PKD1: variants seen among roughly 807,000 people sequenced by gnomAD.
PKD1 encodes polycystin-1.
In PKD1, 81 loss-of-function variants were observed where a neutral mutation model predicts 361.7. The ratio of observed to expected loss-of-function variants is 0.22; its 90% CI spans 0.19 to 0.27. The LOEUF (loss-of-function observed/expected upper bound fraction) is 0.27. Among genes scored for constraint, PKD1 ranks in the 10% least tolerant of loss-of-function variants. PKD1 has a pLI of 1.00. For synonymous variants in PKD1, 3,615 were observed against 2,818.3 expected (o/e 1.28, Z -8.95); for missense variants, 6,399 against 6,118.3 (o/e 1.05, Z -1.53).
rs528805718 is a variant in PKD1, at chr16:2,104,752, G to A, written c.8017-110C>T. ...TCCCACCCCCAGCCCTGCAGCTGGA[G>A]AGCCCACTTGACTGGACCCCCACAG... On this transcript the variant is annotated intron_variant, in intron 21 of 45. Coordinates refer to ENST00000262304, the MANE Select transcript of PKD1 (RefSeq NM_001009944.3). 1,929 of 773,370 alleles carry A rather than the reference G, an allele frequency of 2.5e-3. 2 individuals carry two copies. The highest frequency in any genetic ancestry group is 3.7e-3 in the Non-Finnish European group (1,720 of 464,764). 47.9% of individuals were successfully genotyped at this position (773,370 alleles called of 1,614,324 possible).
intron 34 of PKD1, among the ~76,000 whole-genome samples, chr16:2,096,307 G>C (rs2091843991): frequency 6.6e-6 from 1 of 152,268 alleles, no homozygotes; most frequent in Admixed American, 6.5e-5. Context: ...GAATCCTGCA[G>C]GCAGCTGCAG....
chr16:2,115,687 A>G, intron 9 of PKD1, 62 bp from the exon 10 acceptor site: 1 of 1,497,474 alleles, frequency 6.7e-7, no homozygotes. Context: ...AGAGATGCCC[A>G]ACTGCCTGCA....
At chr16:2,126,388 G>C (rs1232176479) in intron 1 of PKD1, among the ~76,000 whole-genome samples, 2 of 152,386 alleles carry the variant, frequency 1.3e-5, no homozygotes, top group East Asian at 3.9e-4. Context: ...GGAATGCCAG[G>C]CTGGGCCAGG....
Position 2,118,005 on chromosome 16 carries a change from C to A in PKD1, c.987G>T (p.Gly329=), listed in dbSNP as rs764976974. The A allele has an allele frequency of 4.8e-5, 77 of 1,587,900 alleles. No homozygotes were observed. The highest frequency in any genetic ancestry group is 4.5e-4 in the Middle Eastern group (2 of 4,440). Residue 329 remains glycine, a synonymous_variant, in exon 5 of 46, where the codon GGG becomes GGT. Transcript: ENST00000262304. This position sits in a 1 kb window ranked among gnomAD's most constrained non-coding sequence, Gnocchi z 6.0. ...CCAGCACGGCCGTCACGTGATAGCG[C>A]CCAGGCAGCACATAGCGATGCGAGG... is the stretch of plus-strand genomic sequence containing the variant. ...PAASHRYVLP[G]RYHVTAVLAL...
In PKD1 at chr16:2,118,125, T is replaced by C. The variant is rs774104292; in HGVS notation, c.867A>G (p.Leu289=). 6.2e-7 allele frequency: 1 copy of C among 1,601,880 alleles called. No homozygotes were observed. Among genetic ancestry groups the C allele is most frequent in the East Asian group, 2.2e-5 (1 of 44,532 alleles). The change falls in exon 5 of 46, where the codon CTA becomes CTG. Residue 289 remains leucine, a synonymous_variant. Coordinates refer to ENST00000262304, the MANE Select transcript of PKD1 (RefSeq NM_001009944.3). The surrounding 1 kb of genome is among the most constrained non-coding windows in gnomAD (Gnocchi z 6.0). ...GCGGGGCAGCGATGTGGAAGGCTGC[T>C]AGCTGGCCAGAGGCCAGAGGTCCGT... ...GPHGPLASGQ[L]AAFHIAAPLP...
At position 2,106,137 on chromosome 16, in the gene PKD1, C is replaced by T. The variant is rs750616566; in HGVS notation, c.7657G>A (p.Val2553Met). Residue 2553 changes from valine to methionine, a missense_variant, in exon 19 of 46, where the codon GTG becomes ATG. Physicochemically the swap from Val to Met is conservative, Grantham distance 21. Transcript: ENST00000262304. This position sits in a 1 kb window ranked among gnomAD's most constrained non-coding sequence, Gnocchi z 6.5. Reference protein sequence around the residue: ...FRPHFEVGLAVVVQDQLGAAV... With the variant: ...FRPHFEVGLAMVVQDQLGAAV... ...GCTCCCAGCTGGTCCTGCACCACCA[C>T]GGCCAGGCCCACCTCGAAGTGTGGC... The T allele has an allele frequency of 3.1e-5, 49 of 1,605,730 alleles. No homozygotes were observed. Among genetic ancestry groups the T allele is most frequent in the African/African-American group, 8.0e-5 (6 of 74,650 alleles).
rs979342927 is a variant in PKD1, at chr16:2,114,831, G to A, written c.2192C>T (p.Pro731Leu). The change falls in exon 11 of 46, where the codon CCG becomes CTG. Residue 731 changes from proline (P) to leucine (L), a missense_variant. By Grantham distance (98) the Pro-to-Leu change is moderately conservative. Transcript: ENST00000262304. ...CCGGGGACCAGGGTGGCCGGGAGCC[G>A]GCGAGCAGTGCAGGAGGGCGCCAGG... Reference protein sequence around the residue: ...AGPGALLHCSPAPGHPGPRAP... With the variant: ...AGPGALLHCSLAPGHPGPRAP... 2.5e-4 allele frequency: 340 copies of A among 1,353,094 alleles called. No homozygotes were observed. In the African/African-American group the frequency reaches 3.2e-3, roughly 13 times the overall value. 83.8% of individuals were successfully genotyped at this position (1,353,094 alleles called of 1,614,324 possible).
chr16:2,102,752 C>T, intron 24 of PKD1, 62 bp downstream of exon 24: 1 of 1,604,276 alleles, frequency 6.2e-7, no homozygotes. Flanking sequence ...GGGCCAGTAA[C>T]CCAGGCAATG....
Position 2,117,830 on chromosome 16 carries a change from C to T in PKD1, c.1162G>A (p.Ala388Thr), listed in dbSNP as rs772111757. 58 of 1,284,730 alleles carry T rather than the reference C, an allele frequency of 4.5e-5. No homozygotes were observed. Among genetic ancestry groups the T allele is most frequent in the Admixed American group, 9.9e-5 (5 of 50,680 alleles). 79.6% of individuals were successfully genotyped at this position (1,284,730 alleles called of 1,614,324 possible). The change falls in exon 5 of 46, where the codon GCC becomes ACC. Residue 388 changes from alanine (A) to threonine (T), a missense_variant. Coordinates refer to ENST00000262304, the MANE Select transcript of PKD1 (RefSeq NM_001009944.3). ...TCGCCCAGGGCCACGATGCTGTAGG[C>T]GGCCTCCAGGCCTGAACCACCGCGG... The part of the protein sequence containing the change: ...QNRGGSGLEA[A>T]YSIVALGEEP...
intron 9 of PKD1, 110 bp from the exon 10 acceptor site, chr16:2,115,735 C>T (rs1255071183): frequency 1.8e-6 from 2 of 1,135,232 alleles, no homozygotes; most frequent in East Asian, 2.5e-5. Flanking sequence ...CAGGTCTCCC[C>T]ACCTGGGCAG....
chr16:2,100,761 A>C lies in PKD1; in HGVS notation c.9398-195T>G, dbSNP rs1017028315. On this transcript the variant is annotated intron_variant, in intron 26 of 45. Coordinates refer to ENST00000262304, the MANE Select transcript of PKD1 (RefSeq NM_001009944.3). This position sits in a 1 kb window ranked among gnomAD's most constrained non-coding sequence, Gnocchi z 4.4. ...CAATTAACAGCAGGACCTCAAGGAC[A>C]TGATTAAGTTACATGGAAAGAACTG... The C allele has an allele frequency of 1.0e-5, 6 of 602,720 alleles. No individual in the cohort carries two copies. Among genetic ancestry groups the C allele is most frequent in the Non-Finnish European group, 1.8e-5 (6 of 337,126 alleles). The allele number at this position is 602,720 out of a possible 1,614,324, so 37.3% of individuals were successfully genotyped here.
chr16:2,092,164 G>A lies in PKD1; in HGVS notation c.11294C>T (p.Pro3765Leu), dbSNP rs764148575. The A allele has an allele frequency of 2.5e-6, 4 of 1,609,856 alleles. No individual in the cohort carries two copies. In the South Asian group the frequency reaches 4.4e-5, roughly 18 times the overall value. ...QEALYPDPPG[P>L]RVHTCSAAGG... is the part of the protein sequence containing the mutation. ...TGCGGCCGAGCACGTGTGGACCCTG[G>A]GGCCGGGAGGGTCTGGGTAGAGTGC... is the stretch of plus-strand genomic sequence containing the variant. Residue 3765 changes from proline to leucine, a missense_variant, in exon 40 of 46, where the codon CCC (proline) becomes CTC (leucine). Pro to Leu is a moderately conservative substitution (Grantham distance 98). Transcript: ENST00000262304.
chr16:2,100,908 T>C lies in PKD1; in HGVS notation c.9398-342A>G, dbSNP rs2092069658. On this transcript the variant is annotated intron_variant, in intron 26 of 45. Coordinates refer to ENST00000262304, the MANE Select transcript of PKD1 (RefSeq NM_001009944.3). This position sits in a 1 kb window ranked among gnomAD's most constrained non-coding sequence, Gnocchi z 4.4. ...ACCGGTGACCCGCACCACACACCCGTCCCTCAGTTCATGCACAGACTGCAA... is the reference window on the plus strand; with the variant it reads ...ACCGGTGACCCGCACCACACACCCGCCCCTCAGTTCATGCACAGACTGCAA... 2.3e-6 allele frequency: 1 copy of C among 427,820 alleles called. No homozygotes were observed. Among genetic ancestry groups the C allele is most frequent in the African/African-American group, 2.0e-5 (1 of 49,408 alleles). The allele number at this position is 427,820 out of a possible 1,614,324, so 26.5% of individuals were successfully genotyped here.
chr16:2,096,070 G>A (rs1037777537), intron 34 of PKD1, among the ~76,000 whole-genome samples: 2 of 152,222 alleles, frequency 1.3e-5, no homozygotes, highest in Admixed American at 6.5e-5. Context: ...AGCACTCAAA[G>A]GAATAACACA....
chr16:2,120,826 G>A (rs1245703485), intron 1 of PKD1, among the ~76,000 whole-genome samples: 1 of 152,182 alleles, frequency 6.6e-6, no homozygotes, highest in East Asian at 1.9e-4. Context: ...AGACCATCCT[G>A]GCCAACAGGG....
rs1343608076 is a variant in PKD1, at chr16:2,111,645, C to T, written c.3522G>A (p.Gln1174=). 6.4e-7 allele frequency: 1 copy of T among 1,573,828 alleles called. No homozygotes were observed. Among genetic ancestry groups the T allele is most frequent in the Non-Finnish European group, 8.6e-7 (1 of 1,161,072 alleles). The change falls in exon 15 of 46, where the codon CAG becomes CAA. Residue 1174 remains glutamine, a synonymous_variant. Transcript: ENST00000262304. ...GDGSPVLTQS[Q]PAANHTYASR... ...AGGCATAGGTGTGGTTGGCAGCCGG[C>T]TGGCTCTGGGTCAGGACAGGGGAGC...
chr16:2,125,560 C>G (rs149929869), intron 1 of PKD1, among the ~76,000 whole-genome samples: 2,377 of 152,274 alleles, frequency 0.016, 36 homozygotes, highest in Non-Finnish European at 0.025. Flanking sequence ...GAGACTCCGG[C>G]CTCGGAGGCT....
chr16:2,100,020 C>T lies in PKD1; in HGVS notation c.9764G>A (p.Arg3255His), dbSNP rs1052458360. 25 of 1,575,536 alleles carry T rather than the reference C, an allele frequency of 1.6e-5. No individual in the cohort carries two copies. Among genetic ancestry groups the T allele is most frequent in the East Asian group, 1.2e-4 (5 of 42,660 alleles). The change falls in exon 29 of 46, where the codon CGT becomes CAT. Residue 3255 changes from arginine (R) to histidine (H), a missense_variant. Transcript: ENST00000262304. The surrounding 1 kb of genome is among the most constrained non-coding windows in gnomAD (Gnocchi z 4.4). Reference sequence around the variant, plus strand: ...CCAGATGTGCTTGTCAAAGAAGCCACGCTGCAGCTCAGCCACCAGCAGGCG... The same window carrying T: ...CCAGATGTGCTTGTCAAAGAAGCCATGCTGCAGCTCAGCCACCAGCAGGCG... ...FRRLLVAELQ[R>H]GFFDKHIWLS...
In PKD1 at chr16:2,110,447, C is replaced by A. The variant is rs767157522; in HGVS notation, c.4720G>T (p.Ala1574Ser). The change falls in exon 15 of 46, where the codon GCC (alanine) becomes TCC (serine). Residue 1574 changes from alanine (A) to serine (S), a missense_variant. Ala to Ser is a moderately conservative substitution (Grantham distance 99, BLOSUM62 1). Coordinates refer to ENST00000262304, the MANE Select transcript of PKD1 (RefSeq NM_001009944.3). The stretch of plus-strand genomic sequence containing the variant: ...CAGGAATAGCGCACATCACTGCCGG[C>A]CTCCAGCGACGTGCTGAAGCTCACG... ...GSVSFSTSLE[A>S]GSDVRYSWVL... The A allele has an allele frequency of 7.4e-6, 12 of 1,612,482 alleles. No homozygotes were observed. The highest frequency in any genetic ancestry group is 1.0e-5 in the Non-Finnish European group (12 of 1,179,860).
Sources: gnomAD v4.1 joint callset for allele counts (sites outside exome capture counted in the v4.1 genomes callset) on GRCh38, gnomAD v4.1.1 for gene constraint, Gnocchi (gnomAD v3.1) non-coding constraint, MANE v1.5 for transcripts, NCBI Gene and HGNC (gene_info 2026-07-23, HGNC 2026-07-21) for gene names.